The following XYLT1 variants were observed in gnomAD, a reference collection of about 807,000 sequenced individuals.
XYLT1 encodes the protein xylosyltransferase 1, also known as beta-D-xylosyltransferase 1.
In XYLT1, 36 loss-of-function variants were observed where a neutral mutation model predicts 91.3. That is an observed-to-expected ratio of 0.39 (90% CI 0.30 to 0.52). The LOEUF (loss-of-function observed/expected upper bound fraction) is 0.52, where lower values mean the gene tolerates loss of function less well. Ranked by LOEUF, XYLT1 falls within the 20% of genes least tolerant of loss-of-function variation. The pLI is 0.68. For missense variants in XYLT1, 1,242 were observed against 1,284.5 expected (o/e 0.97, Z 0.51); for synonymous variants, 588 against 532.0 (o/e 1.11, Z -1.45).
chr16:17,127,897 G>A, intron 9 of XYLT1, 36 bp from the exon 10 acceptor site: 1 of 1,597,372 alleles, frequency 6.3e-7, no homozygotes. Flanking sequence ...AGGGCCCAAG[G>A]TGTGTAGGAT....
At chr16:17,463,926 C>T (rs996504027) in intron 1 of XYLT1, among the ~76,000 whole-genome samples, 4 of 152,212 alleles carry the variant, frequency 2.6e-5, no homozygotes, top group Admixed American at 2.6e-4. Context: ...GAAATCCTGT[C>T]ATTTGCAGCA....
chr16:17,350,810 G>A (rs577573072), intron 2 of XYLT1, among the ~76,000 whole-genome samples: 17 of 152,232 alleles, frequency 1.1e-4, no homozygotes, highest in South Asian at 2.1e-4. Context: ...GCCCAGAGCC[G>A]GAAGAACGGA....
chr16:17,344,644 G>T (rs1218110622), intron 2 of XYLT1, among the ~76,000 whole-genome samples: 2 of 152,112 alleles, frequency 1.3e-5, no homozygotes, highest in African/African-American at 4.8e-5. Context: ...AAAGAATGGG[G>T]TTGATAAGAT....
At chr16:17,194,501 T>C (rs1279026768) in intron 5 of XYLT1, among the ~76,000 whole-genome samples, 1 of 152,162 alleles carries the variant, frequency 6.6e-6, no homozygotes, top group East Asian at 1.9e-4. Flanking sequence ...GAAGGAAGAA[T>C]GTGGGAACTT....
At chr16:17,188,722 A>G (rs1166670565) in intron 5 of XYLT1, among the ~76,000 whole-genome samples, 3 of 152,098 alleles carry the variant, frequency 2.0e-5, no homozygotes, top group Non-Finnish European at 2.9e-5. Flanking sequence ...TCTATTAATA[A>G]CCATGGCTAT....
intron 3 of XYLT1, among the ~76,000 whole-genome samples, chr16:17,254,294 G>T (rs908602482): frequency 6.6e-6 from 1 of 152,142 alleles, no homozygotes; most frequent in Admixed American, 6.5e-5. Context: ...AAGGATGAAG[G>T]CCTTTATGAT....
intron 3 of XYLT1, among the ~76,000 whole-genome samples, chr16:17,235,411 G>A (rs944537429): frequency 1.3e-5 from 2 of 151,200 alleles, no homozygotes; most frequent in Non-Finnish European, 2.9e-5. Context: ...GCAAAAGGAC[G>A]TACCAGTATC....
chr16:17,300,091 T>A (rs1438048023), intron 2 of XYLT1, among the ~76,000 whole-genome samples: 1 of 152,100 alleles, frequency 6.6e-6, no homozygotes, highest in East Asian at 1.9e-4. Flanking sequence ...CACAGCTAAA[T>A]CAATAACCAG....
In XYLT1 at chr16:17,234,695, A is replaced by AAAAT. The variant is rs4071716; in HGVS notation, c.913+24289_913+24292dup. ...AATCCAGCAAACTGAGCCATGTGAT[A>AAAAT]AAATAAATAAATAAATAAATAAATA... On this transcript the variant is annotated intron_variant, in intron 3 of 11. Transcript: ENST00000261381. 4.0e-3 allele frequency among the ~76,000 whole-genome samples: 587 copies of AAAAT among 146,978 alleles called. 3 individuals are homozygous for AAAAT. The highest frequency in any genetic ancestry group is 0.013 in the African/African-American group (532 of 39,654).
chr16:17,391,514 T>G (rs1396181608), intron 1 of XYLT1, among the ~76,000 whole-genome samples: 1 of 152,230 alleles, frequency 6.6e-6, no homozygotes, highest in African/African-American at 2.4e-5. Flanking sequence ...TTCCCCTGTT[T>G]TGATAAAATC....
chr16:17,220,997 C>G (rs2032957093), intron 3 of XYLT1, among the ~76,000 whole-genome samples: 1 of 152,192 alleles, frequency 6.6e-6, no homozygotes, highest in Admixed American at 6.5e-5. Context: ...AAAATAGGCA[C>G]TAGGGCAATA....
intron 6 of XYLT1, among the ~76,000 whole-genome samples, chr16:17,144,155 C>G (rs1026274724): frequency 6.6e-6 from 1 of 152,224 alleles, no homozygotes; most frequent in Non-Finnish European, 1.5e-5. Flanking sequence ...CAGTAGACTA[C>G]AAGCTTCATG....
intron 1 of XYLT1, among the ~76,000 whole-genome samples, chr16:17,435,108 G>A (rs1471982552): frequency 6.6e-6 from 1 of 152,182 alleles, no homozygotes; most frequent in Non-Finnish European, 1.5e-5. Context: ...CCTGTAAGAT[G>A]CCTTCTGCGT....
intron 2 of XYLT1, among the ~76,000 whole-genome samples, chr16:17,346,012 T>C (rs747900177): frequency 6.6e-6 from 1 of 152,100 alleles, no homozygotes; most frequent in Non-Finnish European, 1.5e-5. Flanking sequence ...GGTCTCGCCA[T>C]GTTGGTCAGG....
chr16:17,323,695 C>A (rs1264463532), intron 2 of XYLT1, among the ~76,000 whole-genome samples: 1 of 152,098 alleles, frequency 6.6e-6, no homozygotes, highest in Non-Finnish European at 1.5e-5. Flanking sequence ...CTGCCACTTG[C>A]TCCTGTTCAC....
rs890585629 is a variant in XYLT1 at position 17,332,271 on chromosome 16, C to T, written c.402+25741G>A. ...TGGGGTGAAGTGGAGGCGATCAAAA[C>T]ACACACCAGGCTGGGTGTAGTGGCT... On this transcript the variant is annotated intron_variant, in intron 2 of 11. Transcript: ENST00000261381. Among the ~76,000 whole-genome samples the T allele has an allele frequency of 1.1e-4, 17 of 152,292 alleles. No homozygotes were observed. In the South Asian group the frequency reaches 3.1e-3, roughly 28 times the overall value.
intron 2 of XYLT1, among the ~76,000 whole-genome samples, chr16:17,291,114 A>G (rs773187594): frequency 7.9e-5 from 12 of 151,936 alleles, no homozygotes; most frequent in Non-Finnish European, 1.3e-4. Context: ...TTTTTTTGGC[A>G]GCGACTGGGT....
intron 1 of XYLT1, among the ~76,000 whole-genome samples, chr16:17,396,338 C>A (rs1002040369): frequency 1.3e-5 from 2 of 152,174 alleles, no homozygotes; most frequent in African/African-American, 2.4e-5. Flanking sequence ...TCTGAAAGCT[C>A]AGCTGGGTGA....
chr16:17,245,027 C>G (rs1347621483), intron 3 of XYLT1, among the ~76,000 whole-genome samples: 1 of 151,148 alleles, frequency 6.6e-6, no homozygotes, highest in African/African-American at 2.5e-5. Flanking sequence ...TGTCACAAAA[C>G]CACACTCTTT....
Sources: gnomAD v4.1 joint callset for allele counts (sites outside exome capture counted in the v4.1 genomes callset) on GRCh38, gnomAD v4.1.1 for gene constraint, MANE v1.5 for transcripts, NCBI Gene and HGNC (gene_info 2026-07-23, HGNC 2026-07-21) for gene names.